Variants in ATOSA observed in about 807,000 individuals in gnomAD.
ATOSA encodes atos homolog A.
chr15:52,629,240 T>C, the ATOSA span, among the ~76,000 whole-genome samples: 533 of 152,200 alleles, frequency 3.5e-3, 2 homozygotes, highest in African/African-American at 0.012. Flanking sequence ...CAAAACTGAG[T>C]GGCAAGTAGA....
the ATOSA span, among the ~76,000 whole-genome samples, chr15:52,695,854 C>A: frequency 1.3e-5 from 2 of 152,174 alleles, no homozygotes; most frequent in Non-Finnish European, 2.9e-5. Context: ...TAGAGGAAGA[C>A]TGTTCCAGGC....
At chr15:52,613,889 T>C in the ATOSA span, 5 of 1,576,210 alleles carry the variant, frequency 3.2e-6, no homozygotes, top group South Asian at 4.5e-5. Context: ...GGGTCCTCAA[T>C]TTAATGTACT....
the ATOSA span, among the ~76,000 whole-genome samples, chr15:52,690,365 C>T: frequency 1.3e-5 from 2 of 152,076 alleles, no homozygotes; most frequent in Non-Finnish European, 2.9e-5. Flanking sequence ...TACGGAGAAA[C>T]CTGAATGTAT....
At chr15:52,690,014 AT>A in the ATOSA span, among the ~76,000 whole-genome samples, 178 of 152,264 alleles carry the variant, frequency 1.2e-3, 1 homozygote, top group African/African-American at 3.7e-3. Context: ...ACCTGTTAAG[AT>A]TTTTTTGTGT....
At chr15:52,673,461 C>G in the ATOSA span, among the ~76,000 whole-genome samples, 7 of 152,216 alleles carry the variant, frequency 4.6e-5, no homozygotes, top group Admixed American at 1.3e-4. Flanking sequence ...CCAAACTTCT[C>G]TATGACTCAG....
At chr15:52,672,862 G>A in the ATOSA span, among the ~76,000 whole-genome samples, 1 of 152,110 alleles carries the variant, frequency 6.6e-6, no homozygotes, top group Admixed American at 6.6e-5. Flanking sequence ...CAAAAACATA[G>A]ATGGGGTATC....
At chr15:52,593,120 T>A in the ATOSA span, among the ~76,000 whole-genome samples, 1 of 150,688 alleles carries the variant, frequency 6.6e-6, no homozygotes, top group Admixed American at 6.6e-5. Flanking sequence ...CATTCCAGCC[T>A]AGGCAAGAGA....
At chr15:52,684,982 T>C in the ATOSA span, among the ~76,000 whole-genome samples, 1 of 152,228 alleles carries the variant, frequency 6.6e-6, no homozygotes, top group Non-Finnish European at 1.5e-5. Flanking sequence ...AATATCTCTA[T>C]TGATACTTTA....
chr15:52,663,505 C>A, the ATOSA span, among the ~76,000 whole-genome samples: 1 of 152,150 alleles, frequency 6.6e-6, no homozygotes, highest in Non-Finnish European at 1.5e-5. Context: ...AAAAATTTAG[C>A]CCAATGATCA....
At chr15:52,630,332 C>G in the ATOSA span, among the ~76,000 whole-genome samples, 1 of 152,072 alleles carries the variant, frequency 6.6e-6, no homozygotes, top group African/African-American at 2.4e-5. Flanking sequence ...ACCAAAGGCA[C>G]CACAGAGACT....
At chr15:52,644,116 G>A in the ATOSA span, among the ~76,000 whole-genome samples, 1 of 150,934 alleles carries the variant, frequency 6.6e-6, no homozygotes, top group Non-Finnish European at 1.5e-5. Flanking sequence ...TGGAAAGATG[G>A]TCTTTCTATG....
chr15:52,700,198 T>C, the ATOSA span, among the ~76,000 whole-genome samples: 1 of 152,206 alleles, frequency 6.6e-6, no homozygotes, highest in African/African-American at 2.4e-5. Context: ...CATACCAAAT[T>C]AAAATTTGCT....
the ATOSA span, among the ~76,000 whole-genome samples, chr15:52,690,713 A>G: frequency 6.6e-6 from 1 of 152,252 alleles, no homozygotes; most frequent in African/African-American, 2.4e-5. Flanking sequence ...GCATTTTGCA[A>G]CAGTGGTAAT....
chr15:52,640,859 T>C, the ATOSA span, among the ~76,000 whole-genome samples: 1 of 152,040 alleles, frequency 6.6e-6, no homozygotes, highest in Non-Finnish European at 1.5e-5. Context: ...AATGATCAAA[T>C]AGTATATCTA....
the ATOSA span, among the ~76,000 whole-genome samples, chr15:52,590,266 T>C: frequency 1.3e-5 from 2 of 152,206 alleles, no homozygotes; most frequent in African/African-American, 4.8e-5. Context: ...GGCCCTAATA[T>C]TATAATGAAA....
the ATOSA span, among the ~76,000 whole-genome samples, chr15:52,706,132 A>G: frequency 6.6e-6 from 1 of 152,246 alleles, no homozygotes; most frequent in Non-Finnish European, 1.5e-5. Context: ...GTGAGTATAC[A>G]TACCTTATTA....
At chr15:52,670,523 A>G in the ATOSA span, among the ~76,000 whole-genome samples, 2 of 152,196 alleles carry the variant, frequency 1.3e-5, no homozygotes, top group African/African-American at 4.8e-5. Context: ...GCATTATAGT[A>G]CGCTGCTAAA....
chr15:52,665,833 T>C, the ATOSA span, among the ~76,000 whole-genome samples: 1 of 152,226 alleles, frequency 6.6e-6, no homozygotes, highest in East Asian at 1.9e-4. Flanking sequence ...TTAAGAAGTA[T>C]AAATTGGCCA....
At chr15:52,612,834 T>A in the ATOSA span, among the ~76,000 whole-genome samples, 2 of 152,036 alleles carry the variant, frequency 1.3e-5, no homozygotes, top group South Asian at 4.1e-4. Context: ...GAGTTTACAA[T>A]TTTGGATCAC....
Sources: gnomAD v4.1 joint callset for allele counts (sites outside exome capture counted in the v4.1 genomes callset) on GRCh38, gnomAD v4.1.1 for gene constraint, MANE v1.5 for transcripts, NCBI Gene and HGNC (gene_info 2026-07-23, HGNC 2026-07-21) for gene names.